MRTFB: variants seen among roughly 807,000 people sequenced by gnomAD.
The protein encoded by MRTFB is myocardin related transcription factor B.
MRTFB carries 29 observed loss-of-function variants against 104.2 expected under a neutral mutation model. That is an observed-to-expected ratio of 0.28 (90% CI 0.21 to 0.38). The LOEUF (loss-of-function observed/expected upper bound fraction) is 0.38. MRTFB is among the 10% of genes least tolerant of loss of function. MRTFB has a pLI of 1.00. For synonymous variants in MRTFB, 535 were observed against 519.5 expected, an observed-to-expected ratio of 1.03 and a Z score of -0.41; for missense variants, 1,270 against 1,341.6, an observed-to-expected ratio of 0.95 and a Z score of 0.83.
chr16:14,250,817 G>A (rs765015765), intron 13 of MRTFB, among the ~76,000 whole-genome samples: 6 of 152,188 alleles, frequency 3.9e-5, no homozygotes, highest in Non-Finnish European at 8.8e-5. Flanking sequence ...AGATTCAAGC[G>A]GCGTCGCTGA....
At chr16:14,083,016 T>A (rs1176383004) in intron 2 of MRTFB, among the ~76,000 whole-genome samples, 1 of 152,300 alleles carries the variant, frequency 6.6e-6, no homozygotes, top group East Asian at 1.9e-4. Context: ...TTTATTTGTG[T>A]CTTCAATTTC....
At chr16:14,078,812 A>G (rs2034223930) in intron 1 of MRTFB, among the ~76,000 whole-genome samples, 1 of 140,684 alleles carries the variant, frequency 7.1e-6, no homozygotes. Flanking sequence ...TAATAACATT[A>G]TAATAAAATA....
Position 14,245,565 on chromosome 16 carries a change from G to A in MRTFB, c.1117G>A (p.Ala373Thr). 1 of 1,613,738 alleles carries A rather than the reference G, an allele frequency of 6.2e-7. No homozygotes were observed. ...CAAAAATAGTAACAGTGGGAATTCA[G>A]CTTTGAACAATGCCACACCTAACAC... ...NDKNSNSGNS[A>T]LNNATPNTPR... is the part of the protein sequence containing the mutation. The change falls in exon 11 of 17, where the codon GCT (alanine) becomes ACT (threonine). Residue 373 changes from alanine (A) to threonine (T), a missense_variant. Ala to Thr is a moderately conservative substitution (Grantham distance 58). This residue lies in a region of MRTFB where 1,144 missense variants were observed against 1,131.5 expected (regional missense o/e 1.01). Coordinates refer to ENST00000571589, the MANE Select transcript of MRTFB (RefSeq NM_001308142.2).
At chr16:14,090,878 T>TGG (rs1319945871) in intron 2 of MRTFB, among the ~76,000 whole-genome samples, 1 of 100,304 alleles carries the variant, frequency 1.0e-5, no homozygotes, top group Non-Finnish European at 1.9e-5. Context: ...CAGTTCAGCA[T>TGG]GGTGTGTGTG....
chr16:14,003,757 G>A, the MRTFB span, among the ~76,000 whole-genome samples: 1 of 151,804 alleles, frequency 6.6e-6, no homozygotes, highest in African/African-American at 2.4e-5. Context: ...ACTAGAGGGG[G>A]GAAACTCAAA....
chr16:14,212,548 G>A, intron 5 of MRTFB, 139 bp downstream of exon 5: 1 of 748,990 alleles, frequency 1.3e-6, no homozygotes, highest in East Asian at 2.7e-5. Context: ...ACATGGCATA[G>A]AGAATATTTA....
the MRTFB span, among the ~76,000 whole-genome samples, chr16:14,058,229 A>G: frequency 6.6e-6 from 1 of 152,176 alleles, no homozygotes; most frequent in Admixed American, 6.5e-5. Flanking sequence ...TCATTTCGCG[A>G]ATTCCAAGAA....
chr16:14,111,844 A>G (rs1312626502), intron 2 of MRTFB, among the ~76,000 whole-genome samples: 2 of 150,930 alleles, frequency 1.3e-5, no homozygotes, highest in Non-Finnish European at 2.9e-5. Flanking sequence ...AATGCTGAAA[A>G]CACAGAAGGA....
intron 16 of MRTFB, among the ~76,000 whole-genome samples, chr16:14,260,571 C>A (rs2043731186): frequency 6.6e-6 from 1 of 152,076 alleles, no homozygotes; most frequent in Non-Finnish European, 1.5e-5. Flanking sequence ...CCATTGATAC[C>A]TATCTAGTGA....
chr16:14,009,700 A>G, the MRTFB span: 1 of 152,166 alleles, frequency 6.6e-6, no homozygotes, highest in African/African-American at 2.4e-5. Context: ...TTCCTAGGAT[A>G]CTGAGTGTTT....
the MRTFB span, among the ~76,000 whole-genome samples, chr16:14,001,958 C>T: frequency 4.6e-5 from 7 of 152,290 alleles, no homozygotes; most frequent in Non-Finnish European, 1.0e-4. Context: ...TAAAAAGAAC[C>T]AGCCATAACA....
At chr16:14,027,908 G>C in the MRTFB span, among the ~76,000 whole-genome samples, 2 of 152,192 alleles carry the variant, frequency 1.3e-5, no homozygotes, top group African/African-American at 4.8e-5. Context: ...TGGGTGCAGT[G>C]GCTCACACCT....
In MRTFB at chr16:14,184,072, TAAAA is replaced by T. The variant is rs71757134; in HGVS notation, c.155-26152_155-26149del. On this transcript the variant is annotated intron_variant, in intron 3 of 16. Coordinates refer to ENST00000571589, the MANE Select transcript of MRTFB (RefSeq NM_001308142.2). Reference sequence around the variant, plus strand: ...GATTTAAAAGCAACATCCTGAAATTTAAAAAAAAAAAAAAAAAAAAAAGTTGGCA... The same window carrying T: ...GATTTAAAAGCAACATCCTGAAATTTAAAAAAAAAAAAAAAAAAGTTGGCA... 4.9e-5 allele frequency among the ~76,000 whole-genome samples: 6 copies of T among 121,770 alleles called. No individual in the cohort carries two copies. In the East Asian group the frequency reaches 1.0e-3, roughly 20 times the overall value. 79.9% of individuals were successfully genotyped at this position (121,770 alleles called of 152,430 possible). A position where few individuals can be genotyped will look rare whatever the true frequency, so the allele number is the denominator to read the frequency against.
At chr16:14,175,022 T>A (rs2039535411) in intron 3 of MRTFB, among the ~76,000 whole-genome samples, 1 of 152,202 alleles carries the variant, frequency 6.6e-6, no homozygotes, top group Non-Finnish European at 1.5e-5. Context: ...TAAAATTAGA[T>A]GCCTAATTAG....
chr16:14,025,932 A>G, the MRTFB span, among the ~76,000 whole-genome samples: 2 of 152,250 alleles, frequency 1.3e-5, no homozygotes, highest in African/African-American at 4.8e-5. Flanking sequence ...ATTTATAGAA[A>G]GTATACACTG....
In MRTFB at chr16:14,116,298, G is replaced by A. The variant is rs536822453; in HGVS notation, c.-63-24246G>A. On this transcript the variant is annotated intron_variant, in intron 2 of 16. Transcript: ENST00000571589. ...CCTTTTCTAACTCATCTATTTTTCA[G>A]GTCTTGGATTAGATTTCACTTCCAA... is the stretch of plus-strand genomic sequence containing the variant. 1.1e-4 allele frequency among the ~76,000 whole-genome samples: 16 copies of A among 151,926 alleles called. 1 individual carries two copies. The South Asian group carries it at 3.3e-3, about 32-fold the overall frequency.
At chr16:14,214,024 CCAA>C (rs2041310797) in intron 6 of MRTFB, among the ~76,000 whole-genome samples, 1 of 152,122 alleles carries the variant, frequency 6.6e-6, no homozygotes, top group Non-Finnish European at 1.5e-5. Context: ...GTGCCCACAC[CCAA>C]CATTTTCTCT....
At chr16:14,001,750 C>T in the MRTFB span, among the ~76,000 whole-genome samples, 79 of 152,342 alleles carry the variant, frequency 5.2e-4, no homozygotes, top group African/African-American at 1.8e-3. Context: ...AAAGTTCCCT[C>T]GTTGCCATCT....
At chr16:14,087,119 G>A (rs929568279) in intron 2 of MRTFB, among the ~76,000 whole-genome samples, 10 of 152,192 alleles carry the variant, frequency 6.6e-5, no homozygotes, top group African/African-American at 2.2e-4. Context: ...GCAGTACAGA[G>A]AATAGATCCC....
Sources: gnomAD v4.1 joint callset for allele counts (sites outside exome capture counted in the v4.1 genomes callset) on GRCh38, gnomAD v4.1.1 for gene constraint, gnomAD v4.1.1 regional missense constraint, MANE v1.5 for transcripts, NCBI Gene and HGNC (gene_info 2026-07-23, HGNC 2026-07-21) for gene names.